STAC: variants seen among roughly 807,000 people sequenced by gnomAD.
STAC encodes the protein SH3 and cysteine-rich domain-containing protein.
STAC carries 43 observed loss-of-function variants against 48.8 expected under a neutral mutation model. The observed-to-expected ratio is 0.88, with a 90% CI of 0.69 to 1.14. STAC has a LOEUF of 1.14. Among genes scored for constraint, STAC ranks in the 50% most tolerant of loss-of-function variants. The pLI is 0.00. For synonymous variants in STAC, 193 were observed against 179.5 expected, an observed-to-expected ratio of 1.07 and a Z score of -0.60; for missense variants, 497 against 504.0, an observed-to-expected ratio of 0.99 and a Z score of 0.13.
chr3:36,414,081 G>A (rs1049779686), intron 1 of STAC, among the ~76,000 whole-genome samples: 1 of 152,152 alleles, frequency 6.6e-6, no homozygotes, highest in African/African-American at 2.4e-5. Flanking sequence ...TGGGTAACCC[G>A]ACCTTTCTCT....
intron 8 of STAC, among the ~76,000 whole-genome samples, chr3:36,528,078 C>T (rs1698978925): frequency 6.6e-6 from 1 of 152,078 alleles, no homozygotes; most frequent in Non-Finnish European, 1.5e-5. Context: ...TAGAAGGACA[C>T]ACAGGGGACG....
At chr3:36,473,929 G>A (rs928353102) in intron 2 of STAC, among the ~76,000 whole-genome samples, 5 of 152,174 alleles carry the variant, frequency 3.3e-5, no homozygotes, top group African/African-American at 1.2e-4. Context: ...GAATAGGTAG[G>A]TGTGTGACAA....
intron 8 of STAC, among the ~76,000 whole-genome samples, chr3:36,508,232 G>C (rs1698452237): frequency 6.6e-6 from 1 of 152,174 alleles, no homozygotes; most frequent in South Asian, 2.1e-4. Context: ...GTGTGGTTTT[G>C]AGTGAGTTTC....
rs13325026 is a variant in STAC at position 36,398,597 on chromosome 3, G to A, written c.111+17843G>A. 7.8e-4 allele frequency among the ~76,000 whole-genome samples: 62 copies of A among 79,582 alleles called. 5 individuals carry two copies. Among genetic ancestry groups the A allele is most frequent in the Non-Finnish European group, 1.1e-3 (48 of 43,368 alleles). The allele number at this position is 79,582 out of a possible 152,430, so 52.2% of individuals were successfully genotyped here. ...GGAAGGAAGGAAGGAAGGAAGGAAGGAAGAAAGGAAGGAGGGAAGGAAGAG... is the reference window on the plus strand; with the variant it reads ...GGAAGGAAGGAAGGAAGGAAGGAAGAAAGAAAGGAAGGAGGGAAGGAAGAG... On this transcript the variant is annotated intron_variant, in intron 1 of 10. Coordinates refer to ENST00000273183, the MANE Select transcript of STAC (RefSeq NM_003149.3).
intron 2 of STAC, among the ~76,000 whole-genome samples, chr3:36,459,873 T>C (rs553998755): frequency 3.3e-4 from 51 of 152,320 alleles, no homozygotes; most frequent in African/African-American, 1.2e-3. Context: ...TTTAGGATTC[T>C]AGCTCTACCA....
At position 36,493,287 on chromosome 3, in the gene STAC, A is replaced by C. The variant is rs1698043543; in HGVS notation, c.766+58A>C. Reference sequence around the variant, plus strand: ...ATCACATGAGTCAGGGTCAGTGGGCAGGCCAAGTTGATTTCCAGTCCCCTT... The same window carrying C: ...ATCACATGAGTCAGGGTCAGTGGGCCGGCCAAGTTGATTTCCAGTCCCCTT... On this transcript the variant is annotated intron_variant, in intron 6 of 10. Coordinates refer to ENST00000273183, the MANE Select transcript of STAC (RefSeq NM_003149.3). 2.6e-6 allele frequency: 4 copies of C among 1,546,670 alleles called. No homozygotes were observed. In the South Asian group the frequency reaches 3.4e-5, roughly 13 times the overall value.
intron 10 of STAC, among the ~76,000 whole-genome samples, chr3:36,540,342 A>T (rs142460808): frequency 6.6e-6 from 1 of 152,188 alleles, no homozygotes; most frequent in Non-Finnish European, 1.5e-5. Context: ...TAGCAACAAC[A>T]GGAAACTAAT....
intron 8 of STAC, among the ~76,000 whole-genome samples, chr3:36,524,116 T>A (rs1212576831): frequency 2.0e-5 from 3 of 152,090 alleles, no homozygotes; most frequent in Non-Finnish European, 4.4e-5. Flanking sequence ...GCACAGGGGA[T>A]GTCCCACATT....
At chr3:36,530,731 G>A (rs1699046032) in intron 10 of STAC, among the ~76,000 whole-genome samples, 1 of 151,414 alleles carries the variant, frequency 6.6e-6, no homozygotes, top group Admixed American at 6.6e-5. Flanking sequence ...GAGCAGCTGG[G>A]ATTACAGGCA....
At chr3:36,454,074 A>G (rs1021102577) in intron 2 of STAC, among the ~76,000 whole-genome samples, 2 of 152,124 alleles carry the variant, frequency 1.3e-5, no homozygotes, top group East Asian at 3.9e-4. Context: ...GGCTCTACCA[A>G]TCAGCAGGAT....
At chr3:36,406,943 G>C (rs1479843057) in intron 1 of STAC, among the ~76,000 whole-genome samples, 2 of 152,196 alleles carry the variant, frequency 1.3e-5, no homozygotes, top group Non-Finnish European at 2.9e-5. Context: ...ACATGGACTT[G>C]GGTTTCATTC....
intron 8 of STAC, among the ~76,000 whole-genome samples, chr3:36,514,402 A>T (rs931584696): frequency 2.0e-5 from 3 of 150,972 alleles, no homozygotes; most frequent in Non-Finnish European, 4.4e-5. Flanking sequence ...GTCAAATTTC[A>T]TTTCCTTGTT....
chr3:36,461,783 G>T (rs1370380689), intron 2 of STAC, among the ~76,000 whole-genome samples: 2 of 152,110 alleles, frequency 1.3e-5, no homozygotes, highest in Non-Finnish European at 2.9e-5. Context: ...AGCATACTTG[G>T]TGTCTTTAAG....
chr3:36,481,513 T>C (rs1309516824), intron 2 of STAC, among the ~76,000 whole-genome samples: 1 of 152,188 alleles, frequency 6.6e-6, no homozygotes, highest in African/African-American at 2.4e-5. Flanking sequence ...ACTTTGGGTC[T>C]GTGGATGGCT....
chr3:36,505,055 C>T (rs1698368781), intron 7 of STAC, among the ~76,000 whole-genome samples: 1 of 152,032 alleles, frequency 6.6e-6, no homozygotes, highest in Non-Finnish European at 1.5e-5. Context: ...TTACAAGAGT[C>T]TTTTATCATC....
intron 1 of STAC, among the ~76,000 whole-genome samples, chr3:36,382,720 G>A (rs1022444791): frequency 5.3e-5 from 8 of 152,194 alleles, no homozygotes; most frequent in Non-Finnish European, 5.9e-5. Flanking sequence ...AGGGAGGAAC[G>A]TGTGGTAAGG....
At chr3:36,392,556 T>A (rs1207653864) in intron 1 of STAC, among the ~76,000 whole-genome samples, 1 of 152,092 alleles carries the variant, frequency 6.6e-6, no homozygotes, top group African/African-American at 2.4e-5. Context: ...TTAGTAGAGA[T>A]GAGGTCTCCC....
chr3:36,398,312 A>AAAGAAAGCAAGAAAGC (rs1165549941), intron 1 of STAC, among the ~76,000 whole-genome samples: 167 of 105,930 alleles, frequency 1.6e-3, no homozygotes, highest in South Asian at 2.2e-3. Flanking sequence ...AGAAAGAAAG[A>AAAGAAAGCAAGAAAGC]AAGAAAGCAA....
intron 2 of STAC, among the ~76,000 whole-genome samples, chr3:36,448,338 C>T (rs1041064414): frequency 2.0e-5 from 3 of 152,152 alleles, no homozygotes; most frequent in African/African-American, 7.2e-5. Context: ...TCTCCTGCCT[C>T]AGCCTCCCAA....
Sources: allele counts gnomAD v4.1 joint callset (sites outside exome capture counted in the v4.1 genomes callset), GRCh38; gene constraint gnomAD v4.1.1; transcripts MANE v1.5; gene names NCBI Gene and HGNC (gene_info 2026-07-23, HGNC 2026-07-21).